Variants in ADH5 observed in about 807,000 individuals in gnomAD.
ADH5 encodes alcohol dehydrogenase class-3.
A neutral mutation model predicts 40.3 loss-of-function variants in ADH5; 32 were observed. The ratio of observed to expected loss-of-function variants is 0.79; its 90% CI spans 0.60 to 1.07. The LOEUF (loss-of-function observed/expected upper bound fraction) is 1.07, where lower values mean the gene tolerates loss of function less well. Among genes scored for constraint, ADH5 ranks in the 50% least tolerant of loss-of-function variants. The pLI is 0.00. For missense variants in ADH5, 353 were observed against 460.5 expected (o/e 0.77, Z 2.14); for synonymous variants, 125 against 154.3 (o/e 0.81, Z 1.41).
intron 7 of ADH5, among the ~76,000 whole-genome samples, chr4:99,073,471 C>G (rs7658127): frequency 0.09 from 12,798 of 142,798 alleles, 569 homozygotes; most frequent in African/African-American, 0.11. Context: ...AGCCACCAGG[C>G]CCGACTAAAT....
chr4:99,072,221 G>A lies in ADH5; in HGVS notation c.*196C>T, dbSNP rs1727847537. On this transcript the variant is annotated 3_prime_UTR_variant, in exon 9 of 9. Transcript: ENST00000296412. ...TAAACTAGCAATTATTTATGTGGAG[G>A]AGCATCCAGAAAACAGGTTCATGAC... 2.1e-6 allele frequency: 1 copy of A among 468,686 alleles called. No homozygotes were observed. The allele number at this position is 468,686 out of a possible 1,614,324, so 29.0% of individuals were successfully genotyped here. A position where few individuals can be genotyped will look rare whatever the true frequency, so the allele number is the denominator to read the frequency against.
At chr4:99,085,018 C>T in intron 2 of ADH5, 97 bp downstream of exon 2, 1 of 537,996 alleles carries the variant, frequency 1.9e-6, no homozygotes, top group Non-Finnish European at 3.0e-6. Flanking sequence ...TTGACACTGT[C>T]CTTTGGGATT....
chr4:99,077,107 A>G (rs1164570704), intron 4 of ADH5, among the ~76,000 whole-genome samples, 184 bp from the exon 5 acceptor site: 1 of 152,250 alleles, frequency 6.6e-6, no homozygotes, highest in African/African-American at 2.4e-5. Context: ...TTTATAAGAT[A>G]TTTATAATCT....
At position 99,080,387 on chromosome 4, in the gene ADH5, G is replaced by A. The variant is rs543845354; in HGVS notation, c.344+978C>T. On this transcript the variant is annotated intron_variant, in intron 4 of 8. Coordinates refer to ENST00000296412, the MANE Select transcript of ADH5 (RefSeq NM_000671.4). The stretch of plus-strand genomic sequence containing the variant: ...GACAGGGAGGGCCCAGGGTCCAGTC[G>A]CCTTTGTGAAGACCAGCCAAGGTTA... 12 of 172,310 alleles carry A rather than the reference G, an allele frequency of 7.0e-5. 1 individual carries two copies. Among genetic ancestry groups the A allele is most frequent in the Middle Eastern group, 2.9e-3 (1 of 346 alleles). The allele number at this position is 172,310 out of a possible 1,614,324, so 10.7% of individuals were successfully genotyped here.
rs770405704 is a variant in ADH5 at position 99,072,685 on chromosome 4, T to C, written c.988A>G (p.Lys330Glu). The C allele has an allele frequency of 1.2e-6, 2 of 1,612,416 alleles. No individual in the cohort carries two copies. The highest frequency in any genetic ancestry group is 8.5e-7 in the Non-Finnish European group (1 of 1,179,450). Residue 330 changes from lysine (K) to glutamate (E), a missense_variant, in exon 8 of 9, where the codon AAG becomes GAG. Coordinates refer to ENST00000296412, the MANE Select transcript of ADH5 (RefSeq NM_000671.4). ...GGWKSVESVPKLVSEYMSKKI... is the reference protein window; with the variant it reads ...GGWKSVESVPELVSEYMSKKI... ...TTGGACATATATTCAGACACCAACTTTGGGACACTTTCTACACTCTTCCAT... is the reference window on the plus strand; with the variant it reads ...TTGGACATATATTCAGACACCAACTCTGGGACACTTTCTACACTCTTCCAT...
chr4:99,082,598 A>C (rs1728047735), intron 2 of ADH5, among the ~76,000 whole-genome samples: 1 of 152,216 alleles, frequency 6.6e-6, no homozygotes, highest in Non-Finnish European at 1.5e-5. Flanking sequence ...CTTTCAGAGG[A>C]ACCAACTCCC....
intron 7 of ADH5, 37 bp downstream of exon 7, chr4:99,074,877 A>G: frequency 6.4e-7 from 1 of 1,554,170 alleles, no homozygotes; most frequent in South Asian, 1.2e-5. Context: ...TGCAACTAAC[A>G]AAAGAGAAAA....
intron 2 of ADH5, among the ~76,000 whole-genome samples, chr4:99,082,741 A>G (rs1182688904): frequency 6.6e-6 from 1 of 152,134 alleles, no homozygotes; most frequent in Non-Finnish European, 1.5e-5. Flanking sequence ...CAGTGGCATG[A>G]TCTCGGCTCA....
Position 99,076,819 on chromosome 4 carries a change from G to A in ADH5, c.449C>T (p.Thr150Ile), listed in dbSNP as rs768019016. The A allele has an allele frequency of 6.2e-7, 1 of 1,613,904 alleles. No homozygotes were observed. Residue 150 changes from threonine (T) to isoleucine (I), a missense_variant, in exon 5 of 9, where the codon ACA becomes ATA. Coordinates refer to ENST00000296412, the MANE Select transcript of ADH5 (RefSeq NM_000671.4). ...YMGTSTFSEY[T>I]VVADISVAKI... ...AGCAACAGAGATATCAGCCACAACT[G>A]TGTATTCAGAAAATGTGCTGGTTCC...
chr4:99,086,062 C>G (rs901132069), intron 1 of ADH5, among the ~76,000 whole-genome samples: 59 of 58,160 alleles, frequency 1.0e-3, no homozygotes, highest in African/African-American at 3.6e-3. Flanking sequence ...ACAAACAAAA[C>G]TGAGATATGC....
intron 7 of ADH5, among the ~76,000 whole-genome samples, chr4:99,073,280 G>A (rs1328043102): frequency 1.3e-5 from 2 of 152,178 alleles, no homozygotes; most frequent in Non-Finnish European, 2.9e-5. Context: ...CCAGGTTCAC[G>A]CCATTCTCCT....
intron 1 of ADH5, among the ~76,000 whole-genome samples, chr4:99,087,542 T>C (rs1728171077): frequency 1.3e-5 from 2 of 152,260 alleles, no homozygotes; most frequent in Admixed American, 6.5e-5. Context: ...CAATGTGCCA[T>C]AAATTTCAAC....
chr4:99,078,547 C>T (rs1026713546), intron 4 of ADH5, among the ~76,000 whole-genome samples: 9 of 152,046 alleles, frequency 5.9e-5, no homozygotes, highest in African/African-American at 1.4e-4. Flanking sequence ...ACCACAAGCA[C>T]GTGCCACCAA....
chr4:99,079,763 T>C, intron 4 of ADH5: 1 of 278,584 alleles, frequency 3.6e-6, no homozygotes, highest in African/African-American at 2.3e-5. Flanking sequence ...GGAGTTAGGT[T>C]ATCTCCTGCA....
intron 4 of ADH5, among the ~76,000 whole-genome samples, chr4:99,078,895 C>T (rs1727975549): frequency 6.6e-6 from 1 of 152,218 alleles, no homozygotes; most frequent in African/African-American, 2.4e-5. Context: ...GTTGCAAAAT[C>T]TTTCAGACTG....
At chr4:99,076,251 A>G (rs753836617) in intron 6 of ADH5, 41 bp downstream of exon 6, 46 of 1,587,424 alleles carry the variant, frequency 2.9e-5, no homozygotes, top group Non-Finnish European at 3.6e-5. Flanking sequence ...CTTCAAAAAA[A>G]GCAGTTCCAT....
At chr4:99,072,802 T>G in intron 7 of ADH5, 91 bp from the exon 8 acceptor site, 2 of 1,255,246 alleles carry the variant, frequency 1.6e-6, no homozygotes, top group Non-Finnish European at 2.2e-6. Flanking sequence ...AAGAATGAAT[T>G]TTTTGATGAG....
At chr4:99,087,646 T>TA (rs1252076135) in intron 1 of ADH5, among the ~76,000 whole-genome samples, 2 of 152,144 alleles carry the variant, frequency 1.3e-5, no homozygotes, top group African/African-American at 2.4e-5. Flanking sequence ...TGCTCCCCTT[T>TA]AAAAAATGTC....
In ADH5 at chr4:99,077,619, T is replaced by C. The variant is rs111756347; in HGVS notation, c.345-696A>G. 6.7e-3 allele frequency among the ~76,000 whole-genome samples: 1,019 copies of C among 152,302 alleles called. 6 individuals are homozygous for C. Among genetic ancestry groups the C allele is most frequent in the African/African-American group, 0.022 (931 of 41,554 alleles). The stretch of plus-strand genomic sequence containing the variant: ...AACCAGATCAACTAATGAAAACAGA[T>C]AGCCAAACTGGCTAATTTATATCTT... On this transcript the variant is annotated intron_variant, in intron 4 of 8. Transcript: ENST00000296412.
Sources: gnomAD v4.1 joint callset for allele counts (sites outside exome capture counted in the v4.1 genomes callset) on GRCh38, gnomAD v4.1.1 for gene constraint, MANE v1.5 for transcripts, NCBI Gene and HGNC (gene_info 2026-07-23, HGNC 2026-07-21) for gene names.